Variants in PCDHGA10 observed in about 807,000 individuals in gnomAD.
PCDHGA10 encodes protocadherin gamma-A10.
A neutral mutation model predicts 59.5 loss-of-function variants in PCDHGA10; 42 were observed. That is an observed-to-expected ratio of 0.71 (90% CI 0.55 to 0.91). The LOEUF (loss-of-function observed/expected upper bound fraction) is 0.91. PCDHGA10 is among the 40% of genes least tolerant of loss of function. The probability of loss-of-function intolerance (pLI) is 0.00; values close to 1 mark genes in which losing one functional copy is unlikely to be tolerated. For missense variants in PCDHGA10, 1,111 were observed against 1,198.2 expected, an observed-to-expected ratio of 0.93 and a Z score of 1.07; for synonymous variants, 511 against 517.2, an observed-to-expected ratio of 0.99 and a Z score of 0.16.
chr5:141,444,363 G>A (rs1292799006), intron 1 of PCDHGA10, among the ~76,000 whole-genome samples: 1 of 151,772 alleles, frequency 6.6e-6, no homozygotes, highest in Non-Finnish European at 1.5e-5. Context: ...TAGAGACGGG[G>A]TTTCTCCATG....
intron 3 of PCDHGA10, among the ~76,000 whole-genome samples, chr5:141,509,568 C>T (rs535982453): frequency 3.3e-5 from 5 of 152,336 alleles, no homozygotes; most frequent in Admixed American, 2.0e-4. Flanking sequence ...GCAGCCTTCA[C>T]AGTGCGTACA....
rs780436102 is a variant in PCDHGA10, at chr5:141,431,846, G to A, written c.2436+16235G>A. 1 of 1,614,274 alleles carries A rather than the reference G, an allele frequency of 6.2e-7. No individual in the cohort carries two copies. Among genetic ancestry groups the A allele is most frequent in the South Asian group, 1.1e-5 (1 of 91,088 alleles). On this transcript the variant is annotated intron_variant, in intron 1 of 3. Coordinates refer to ENST00000398610, the MANE Select transcript of PCDHGA10 (RefSeq NM_018913.3). The surrounding 1 kb of genome is among the most constrained non-coding windows in gnomAD (Gnocchi z 4.8). ...CTCGGTTCCCGAAAACTCTCCCAGA[G>A]GGACATTAATTGCCCTTTTAAATGT...
intron 1 of PCDHGA10, chr5:141,424,773 T>C (rs1398493027): frequency 6.6e-6 from 1 of 152,206 alleles, no homozygotes; most frequent in African/African-American, 2.4e-5. Flanking sequence ...TGGCAAATAG[T>C]ACATTCAGTT....
Position 141,413,355 on chromosome 5 carries a change from C to G in PCDHGA10, c.180C>G (p.Pro60=). The change falls in exon 1 of 4, where the codon CCC becomes CCG. Residue 60 remains proline (P), a synonymous_variant. Transcript: ENST00000398610. The stretch of plus-strand genomic sequence containing the variant: ...TCTCCAAGGACTTGGGTCTGGCGCC[C>G]CGGGAGCTGGCGGAGCGCGGAGTCC... The part of the protein sequence containing the change: ...GNISKDLGLA[P]RELAERGVRI... 6.2e-7 allele frequency: 1 copy of G among 1,613,952 alleles called. No homozygotes were observed. Among genetic ancestry groups the G allele is most frequent in the Non-Finnish European group, 8.5e-7 (1 of 1,179,892 alleles).
intron 1 of PCDHGA10, 41 bp downstream of exon 1, chr5:141,415,652 A>AG: frequency 6.3e-7 from 1 of 1,590,778 alleles, no homozygotes; most frequent in African/African-American, 1.4e-5. Flanking sequence ...AAAAAAAAAA[A>AG]GATTGGTTTT....
Position 141,489,765 on chromosome 5 carries a change from C to A in PCDHGA10, c.2437-5042C>A. On this transcript the variant is annotated intron_variant, in intron 1 of 3. Transcript: ENST00000398610. The surrounding 1 kb of genome is among the most constrained non-coding windows in gnomAD (Gnocchi z 4.5). ...TGAGCTTTTACACTCTAAGCCCCAA[C>A]AGCCACTTCTCTCTGAATGTGAAGA... 2.5e-6 allele frequency: 4 copies of A among 1,614,174 alleles called. No individual in the cohort carries two copies. The highest frequency in any genetic ancestry group is 3.4e-6 in the Non-Finnish European group (4 of 1,179,992).
intron 1 of PCDHGA10, among the ~76,000 whole-genome samples, chr5:141,456,691 G>A (rs564429451): frequency 3.3e-5 from 5 of 152,234 alleles, no homozygotes; most frequent in South Asian, 4.1e-4. Flanking sequence ...CTGGCCAGGC[G>A]TGGTGGCTCG....
chr5:141,499,457 T>G (rs1000400491), intron 2 of PCDHGA10, among the ~76,000 whole-genome samples: 1 of 152,214 alleles, frequency 6.6e-6, no homozygotes, highest in African/African-American at 2.4e-5. Context: ...CCCATCATTT[T>G]ACAATCTAGG....
intron 1 of PCDHGA10, chr5:141,417,999 TG>T: frequency 6.2e-7 from 1 of 1,613,838 alleles, no homozygotes; most frequent in Non-Finnish European, 8.5e-7. Context: ...GGCTCGGTGG[TG>T]GGGAACCTCG....
chr5:141,462,240 A>G (rs375419703), intron 1 of PCDHGA10, among the ~76,000 whole-genome samples: 2 of 152,216 alleles, frequency 1.3e-5, no homozygotes, highest in South Asian at 4.1e-4. Context: ...GATTACAGGT[A>G]TGAGCCACCA....
Position 141,511,913 on chromosome 5 carries a change from A to G in PCDHGA10, c.*740A>G, listed in dbSNP as rs1190072814. On this transcript the variant is annotated 3_prime_UTR_variant, in exon 4 of 4. Coordinates refer to ENST00000398610, the MANE Select transcript of PCDHGA10 (RefSeq NM_018913.3). ...CCCCCACCTCCTCCTCAAACAAGAG[A>G]CTCCACTGCATGTTCCAAGACAGTA... is the stretch of plus-strand genomic sequence containing the variant. The G allele has an allele frequency of 6.4e-6, 1 of 156,050 alleles. No individual in the cohort carries two copies. The highest frequency in any genetic ancestry group is 2.4e-5 in the African/African-American group (1 of 41,402). The allele number at this position is 156,050 out of a possible 1,614,324, so 9.7% of individuals were successfully genotyped here.
chr5:141,483,432 ACT>A (rs2099581241), intron 1 of PCDHGA10, among the ~76,000 whole-genome samples: 1 of 152,200 alleles, frequency 6.6e-6, no homozygotes, highest in African/African-American at 2.4e-5. Flanking sequence ...GAGGGAGCTG[ACT>A]ACAATAAAAT....
chr5:141,426,590 C>T (rs2096945493), intron 1 of PCDHGA10: 1 of 369,282 alleles, frequency 2.7e-6, no homozygotes, highest in East Asian at 7.4e-5. Context: ...TCCTCTGTGT[C>T]ATACCCTTAG....
intron 1 of PCDHGA10, chr5:141,418,042 G>A: frequency 6.2e-7 from 1 of 1,614,014 alleles, no homozygotes; most frequent in South Asian, 1.1e-5. Context: ...TCCTGGATGT[G>A]TCGGCTCGCG....
At chr5:141,420,284 TA>T in intron 1 of PCDHGA10, 2 of 1,505,934 alleles carry the variant, frequency 1.3e-6, no homozygotes, top group East Asian at 2.3e-5. Context: ...GGTAAGTATT[TA>T]AAAATGTATT....
rs1280755615 is a variant in PCDHGA10 at position 141,431,629 on chromosome 5, A to C, written c.2436+16018A>C. On this transcript the variant is annotated intron_variant, in intron 1 of 3. Transcript: ENST00000398610. This position sits in a 1 kb window ranked among gnomAD's most constrained non-coding sequence, Gnocchi z 4.8. ...GGTATGTGGACGACAAGGCGGCCCA[A>C]GTTTTCAAACTAGATTGTAATTCAG... 6.2e-7 allele frequency: 1 copy of C among 1,614,246 alleles called. No individual in the cohort carries two copies. Among genetic ancestry groups the C allele is most frequent in the South Asian group, 1.1e-5 (1 of 91,090 alleles).
rs1419985074 is a variant in PCDHGA10, at chr5:141,431,009, T to C, written c.2436+15398T>C. On this transcript the variant is annotated intron_variant, in intron 1 of 3. Transcript: ENST00000398610. The surrounding 1 kb of genome is among the most constrained non-coding windows in gnomAD (Gnocchi z 4.8). ...CGCCCTGAATCCGCGCAGCGGCAGC[T>C]TGGTCACGGCGGGCAGGATAGACCG... The C allele has an allele frequency of 3.7e-6, 6 of 1,613,884 alleles. No individual in the cohort carries two copies. Among genetic ancestry groups the C allele is most frequent in the Non-Finnish European group, 5.1e-6 (6 of 1,179,984 alleles).
At chr5:141,502,082 G>A (rs538827992) in intron 2 of PCDHGA10, among the ~76,000 whole-genome samples, 1 of 152,252 alleles carries the variant, frequency 6.6e-6, no homozygotes, top group Non-Finnish European at 1.5e-5. Flanking sequence ...ACCTGGGGCT[G>A]AGAACACCTG....
rs1391608601 is a variant in PCDHGA10 at position 141,511,893 on chromosome 5, A to G, written c.*720A>G. The G allele has an allele frequency of 6.4e-6, 1 of 155,062 alleles. No homozygotes were observed. Among genetic ancestry groups the G allele is most frequent in the East Asian group, 1.9e-4 (1 of 5,240 alleles). 9.6% of individuals were successfully genotyped at this position (155,062 alleles called of 1,614,324 possible). A position where few individuals can be genotyped will look rare whatever the true frequency, so the allele number is the denominator to read the frequency against. On this transcript the variant is annotated 3_prime_UTR_variant, in exon 4 of 4. Transcript: ENST00000398610. ...TCCACTGCATGCCTTGACTTCCCCC[A>G]CCTCCTCCTCAAACAAGAGACTCCA...
Sources: allele counts gnomAD v4.1 joint callset (sites outside exome capture counted in the v4.1 genomes callset), GRCh38; gene constraint gnomAD v4.1.1; non-coding constraint Gnocchi (gnomAD v3.1); transcripts MANE v1.5; gene names NCBI Gene and HGNC (gene_info 2026-07-23, HGNC 2026-07-21).